Variants in CAMTA1 observed in about 807,000 individuals in gnomAD.
CAMTA1 encodes the protein calmodulin-binding transcription activator 1.
CAMTA1 carries 27 observed loss-of-function variants against 170.9 expected under a neutral mutation model. The ratio of observed to expected loss-of-function variants is 0.16; its 90% CI spans 0.12 to 0.22. CAMTA1 has a LOEUF of 0.22. Among genes scored for constraint, CAMTA1 ranks in the 10% least tolerant of loss-of-function variants. The pLI, the probability that CAMTA1 is intolerant of heterozygous loss-of-function variation, is 1.00. For synonymous variants in CAMTA1, 833 were observed against 891.5 expected, an observed-to-expected ratio of 0.93 and a Z score of 1.17; for missense variants, 1,619 against 2,217.2, an observed-to-expected ratio of 0.73 and a Z score of 5.42.
At chr1:7,316,657 T>G (rs1297579152) in intron 5 of CAMTA1, among the ~76,000 whole-genome samples, 1 of 152,156 alleles carries the variant, frequency 6.6e-6, no homozygotes, top group African/African-American at 2.4e-5. Context: ...TCTGCTAGAC[T>G]GGGGGATGCA....
intron 4 of CAMTA1, among the ~76,000 whole-genome samples, chr1:7,221,631 G>T (rs1660788626): frequency 6.6e-6 from 1 of 152,132 alleles, no homozygotes. Flanking sequence ...GGGGAACGCT[G>T]GGGTCTCAGT....
intron 4 of CAMTA1, among the ~76,000 whole-genome samples, chr1:7,201,120 T>C (rs181070511): frequency 3.5e-4 from 54 of 152,342 alleles, no homozygotes; most frequent in African/African-American, 1.2e-3. Context: ...CTTTCTCTGT[T>C]CTGGACCTTT....
intron 3 of CAMTA1, among the ~76,000 whole-genome samples, chr1:7,076,115 A>T (rs918588939): frequency 1.3e-5 from 2 of 152,174 alleles, no homozygotes; most frequent in African/African-American, 2.4e-5. Flanking sequence ...AAAGATGAGG[A>T]TAAGGATAAT....
chr1:7,530,817 T>G (rs1022314335), intron 6 of CAMTA1, among the ~76,000 whole-genome samples: 4 of 146,372 alleles, frequency 2.7e-5, no homozygotes, highest in Non-Finnish European at 4.5e-5. Context: ...CTCTTGTTTT[T>G]TTTTTTTTTT....
rs556733606 is a variant in CAMTA1, at chr1:7,063,469, G to A, written c.235-27835G>A. Among the ~76,000 whole-genome samples the A allele has an allele frequency of 1.3e-5, 2 of 152,226 alleles. No homozygotes were observed. Among genetic ancestry groups the A allele is most frequent in the Non-Finnish European group, 2.9e-5 (2 of 68,046 alleles). On this transcript the variant is annotated intron_variant, in intron 3 of 22. Coordinates refer to ENST00000303635, the MANE Select transcript of CAMTA1 (RefSeq NM_015215.4). This position sits in a 1 kb window ranked among gnomAD's most constrained non-coding sequence, Gnocchi z 4.3. ...ACGGAGCACACCTCGGGAAACACTA[G>A]TTTAGCTGCATTGCAGATTGGAGGC...
At chr1:7,590,223 C>T (rs2095345162) in intron 6 of CAMTA1, among the ~76,000 whole-genome samples, 3 of 152,338 alleles carry the variant, frequency 2.0e-5, no homozygotes, top group Middle Eastern at 3.4e-3. Context: ...GATTCATGCA[C>T]AGCTCCGAGT....
chr1:7,157,202 G>A (rs1050344356), intron 4 of CAMTA1, among the ~76,000 whole-genome samples: 3 of 151,612 alleles, frequency 2.0e-5, no homozygotes, highest in South Asian at 4.2e-4. Flanking sequence ...AAAATTAGCC[G>A]GGCGTGGTGG....
At chr1:7,128,925 C>T (rs1212788130) in intron 4 of CAMTA1, among the ~76,000 whole-genome samples, 1 of 144,208 alleles carries the variant, frequency 6.9e-6, no homozygotes, top group Non-Finnish European at 1.5e-5. Flanking sequence ...ACTGCAACCT[C>T]TGCCTCCCAG....
intron 6 of CAMTA1, among the ~76,000 whole-genome samples, chr1:7,506,758 T>C (rs1252470199): frequency 6.6e-6 from 1 of 150,942 alleles, no homozygotes; most frequent in Non-Finnish European, 1.5e-5. Context: ...AAATCTCACA[T>C]GCTCACACTC....
chr1:6,841,284 T>G (rs1025257752), intron 3 of CAMTA1, among the ~76,000 whole-genome samples: 6 of 152,242 alleles, frequency 3.9e-5, no homozygotes, highest in African/African-American at 7.2e-5. Context: ...CTAAATTCTA[T>G]CTTCAGCCTT....
At chr1:7,621,902 C>T (rs571741907) in intron 6 of CAMTA1, among the ~76,000 whole-genome samples, 1 of 152,286 alleles carries the variant, frequency 6.6e-6, no homozygotes, top group Admixed American at 6.5e-5. Flanking sequence ...GGCTCCCTGG[C>T]GCCTCTAGAG....
chr1:7,683,396 T>C (rs957572494), intron 11 of CAMTA1, among the ~76,000 whole-genome samples: 2 of 151,548 alleles, frequency 1.3e-5, no homozygotes, highest in South Asian at 4.2e-4. Flanking sequence ...GGGTGAATGG[T>C]CTTGACTTCA....
Position 7,146,994 on chromosome 1 carries a change from G to A in CAMTA1, c.302+55623G>A, listed in dbSNP as rs529427620. 7.2e-4 allele frequency among the ~76,000 whole-genome samples: 108 copies of A among 150,850 alleles called. No homozygotes were observed. Among genetic ancestry groups the A allele is most frequent in the Non-Finnish European group, 1.3e-3 (87 of 67,670 alleles). On this transcript the variant is annotated intron_variant, in intron 4 of 22. Coordinates refer to ENST00000303635, the MANE Select transcript of CAMTA1 (RefSeq NM_015215.4). The surrounding 1 kb of genome is among the most constrained non-coding windows in gnomAD (Gnocchi z 4.3). ...GCACACACACAGAAAGTTACAGCACGCACACACGCACTCAAACATGCACCA... is the reference window on the plus strand; with the variant it reads ...GCACACACACAGAAAGTTACAGCACACACACACGCACTCAAACATGCACCA...
At chr1:7,276,293 A>ATTTTTTTTTT (rs1372402055) in intron 5 of CAMTA1, among the ~76,000 whole-genome samples, 4 of 22,046 alleles carry the variant, frequency 1.8e-4, no homozygotes, top group African/African-American at 5.4e-4. Flanking sequence ...ATATATATAT[A>ATTTTTTTTTT]TATATATATA....
chr1:6,833,660 A>G (rs1324343974), intron 3 of CAMTA1, among the ~76,000 whole-genome samples: 2 of 152,216 alleles, frequency 1.3e-5, no homozygotes, highest in African/African-American at 4.8e-5. Flanking sequence ...TGGCACAAAT[A>G]CATCATTTAG....
At chr1:7,327,422 A>T (rs959497324) in intron 5 of CAMTA1, among the ~76,000 whole-genome samples, 8 of 151,544 alleles carry the variant, frequency 5.3e-5, no homozygotes, top group Non-Finnish European at 1.0e-4. Context: ...AAAAAAAAAA[A>T]AAAGAAAAAA....
chr1:7,464,602 G>A (rs570123640), intron 5 of CAMTA1, among the ~76,000 whole-genome samples: 3 of 152,262 alleles, frequency 2.0e-5, no homozygotes, highest in Admixed American at 1.3e-4. Context: ...GGGGTGAATG[G>A]AAGGGGAGAG....
chr1:7,011,035 C>T (rs1046088016), intron 3 of CAMTA1, among the ~76,000 whole-genome samples: 2 of 152,130 alleles, frequency 1.3e-5, no homozygotes, highest in African/African-American at 4.8e-5. Context: ...ACAGCGGTCC[C>T]GACAGACGCC....
intron 6 of CAMTA1, among the ~76,000 whole-genome samples, chr1:7,506,338 G>A (rs954987470): frequency 9.2e-5 from 14 of 152,250 alleles, no homozygotes; most frequent in Admixed American, 2.0e-4. Flanking sequence ...CTGGAGCCCC[G>A]GCCCCACTCC....
Sources: gnomAD v4.1 joint callset for allele counts (sites outside exome capture counted in the v4.1 genomes callset) on GRCh38, gnomAD v4.1.1 for gene constraint, Gnocchi (gnomAD v3.1) non-coding constraint, MANE v1.5 for transcripts, NCBI Gene and HGNC (gene_info 2026-07-23, HGNC 2026-07-21) for gene names.